The following SLC30A9 variants were observed in gnomAD, a reference collection of about 807,000 sequenced individuals.
The protein encoded by SLC30A9 is solute carrier family 30 member 9.
A neutral mutation model predicts 87.5 loss-of-function variants in SLC30A9; 58 were observed. The observed-to-expected ratio is 0.66, with a 90% CI of 0.54 to 0.82. The LOEUF is 0.82. Ranked by LOEUF, SLC30A9 falls within the 40% of genes least tolerant of loss-of-function variation. SLC30A9 has a pLI of 0.00. For missense variants in SLC30A9, 557 were observed against 679.1 expected, an observed-to-expected ratio of 0.82 and a Z score of 2.00; for synonymous variants, 234 against 233.0, an observed-to-expected ratio of 1.00 and a Z score of -0.04.
At chr4:42,029,575 A>G (rs1035646387) in intron 6 of SLC30A9, 2 of 697,572 alleles carry the variant, frequency 2.9e-6, no homozygotes, top group African/African-American at 1.8e-5. Context: ...GAAGGATGAC[A>G]TGATTTTTGA....
chr4:42,078,455 GT>G, intron 17 of SLC30A9, 130 bp downstream of exon 17: 1 of 513,704 alleles, frequency 1.9e-6, no homozygotes, highest in Non-Finnish European at 3.5e-6. Flanking sequence ...CAGTGTGTAG[GT>G]ATTTATAAGC....
intron 1 of SLC30A9, among the ~76,000 whole-genome samples, chr4:41,998,623 C>G (rs886481300): frequency 6.6e-6 from 1 of 152,088 alleles, no homozygotes; most frequent in South Asian, 2.1e-4. Context: ...ACCGCCACGT[C>G]TGGCTGATTT....
intron 1 of SLC30A9, 67 bp from the exon 2 acceptor site, chr4:42,001,549 G>T (rs1488019829): frequency 3.1e-6 from 3 of 971,804 alleles, no homozygotes; most frequent in African/African-American, 1.7e-5. Flanking sequence ...TGGAGAGGGT[G>T]GCTTGGCAAT....
intron 17 of SLC30A9, chr4:42,078,833 G>A (rs1032075872): frequency 4.6e-5 from 7 of 152,118 alleles, no homozygotes; most frequent in Admixed American, 4.6e-4. Context: ...AAATGTCTCA[G>A]TGTTCTCAAA....
At chr4:42,012,109 A>G (rs1267112487) in intron 2 of SLC30A9, among the ~76,000 whole-genome samples, 2 of 152,148 alleles carry the variant, frequency 1.3e-5, no homozygotes, top group African/African-American at 4.8e-5. Flanking sequence ...GATCAGAAAT[A>G]TGTTTTGAGT....
intron 10 of SLC30A9, among the ~76,000 whole-genome samples, chr4:42,061,993 G>A (rs1442541315): frequency 6.6e-6 from 1 of 151,836 alleles, no homozygotes; most frequent in African/African-American, 2.4e-5. Context: ...TTGAGAGTTC[G>A]AGACCAGCCT....
At chr4:42,019,477 A>G (rs992116577) in intron 3 of SLC30A9, among the ~76,000 whole-genome samples, 4 of 152,206 alleles carry the variant, frequency 2.6e-5, no homozygotes, top group African/African-American at 7.2e-5. Flanking sequence ...TTAGAAGGCA[A>G]TATTTAACCT....
At chr4:42,070,304 A>G (rs1419097973) in intron 14 of SLC30A9, 1 of 421,096 alleles carries the variant, frequency 2.4e-6, no homozygotes, top group Non-Finnish European at 4.2e-6. Context: ...TACAAGTAAG[A>G]GATCTTAATT....
chr4:42,043,807 G>C (rs912901215), intron 8 of SLC30A9, among the ~76,000 whole-genome samples: 10 of 152,262 alleles, frequency 6.6e-5, no homozygotes, highest in African/African-American at 1.7e-4. Context: ...AAATGTTAAG[G>C]GCAGCCAGAG....
intron 2 of SLC30A9, among the ~76,000 whole-genome samples, chr4:42,013,038 T>C (rs1715519726): frequency 6.6e-6 from 1 of 152,192 alleles, no homozygotes; most frequent in African/African-American, 2.4e-5. Flanking sequence ...CTGAGCACTT[T>C]GAGAAGCTGA....
At chr4:41,998,462 C>CTTTTT (rs34295020) in intron 1 of SLC30A9, among the ~76,000 whole-genome samples, 2 of 144,948 alleles carry the variant, frequency 1.4e-5, no homozygotes, top group Non-Finnish European at 3.1e-5. Flanking sequence ...TTCAGTAATT[C>CTTTTT]TTTTTTTTTG....
chr4:42,083,643 A>G (rs1161135069), intron 17 of SLC30A9, among the ~76,000 whole-genome samples: 31 of 147,152 alleles, frequency 2.1e-4, no homozygotes, highest in African/African-American at 7.0e-4. Context: ...ACATTTATTT[A>G]TATCATGCTT....
At chr4:42,041,062 T>C (rs547896341) in intron 8 of SLC30A9, among the ~76,000 whole-genome samples, 1 of 152,130 alleles carries the variant, frequency 6.6e-6, no homozygotes, top group Non-Finnish European at 1.5e-5. Context: ...AGCAGGCAAA[T>C]AGAGCTTGTG....
At chr4:42,032,345 G>C (rs1716483491) in intron 6 of SLC30A9, among the ~76,000 whole-genome samples, 1 of 152,154 alleles carries the variant, frequency 6.6e-6, no homozygotes, top group Non-Finnish European at 1.5e-5. Flanking sequence ...GTTTCGTTAG[G>C]ATTCCACCCC....
chr4:42,077,495 C>T (rs2153141195), intron 16 of SLC30A9, among the ~76,000 whole-genome samples: 1 of 152,226 alleles, frequency 6.6e-6, no homozygotes, highest in East Asian at 1.9e-4. Context: ...ACCTCCGCCC[C>T]CCAGGTTCAA....
At chr4:42,081,485 G>A (rs1718738801) in intron 17 of SLC30A9, among the ~76,000 whole-genome samples, 1 of 152,172 alleles carries the variant, frequency 6.6e-6, no homozygotes, top group Non-Finnish European at 1.5e-5. Context: ...TGTGAAAATA[G>A]TTGTGACCTT....
intron 6 of SLC30A9, chr4:42,029,159 C>CGAAGCCGCCCACCCTTCCGACTGCCG (rs1716312768): frequency 1.1e-5 from 4 of 359,004 alleles, no homozygotes; most frequent in Non-Finnish European, 2.3e-5. Context: ...AGGGCGTGCC[C>CGAAGCCGCCCACCCTTCCGACTGCCG]CGAAGCCACC....
At chr4:42,036,804 T>C (rs530130506) in intron 7 of SLC30A9, among the ~76,000 whole-genome samples, 6 of 152,344 alleles carry the variant, frequency 3.9e-5, no homozygotes, top group African/African-American at 1.4e-4. Context: ...TGGACTCTCC[T>C]CTGGTAGAGC....
intron 6 of SLC30A9, chr4:42,029,998 A>T (rs1410977473): frequency 2.0e-5 from 18 of 897,994 alleles, no homozygotes; most frequent in Non-Finnish European, 3.0e-5. Context: ...CTTGTTGTAC[A>T]GTTCACCAAC....
Sources: allele counts gnomAD v4.1 joint callset (sites outside exome capture counted in the v4.1 genomes callset), GRCh38; gene constraint gnomAD v4.1.1; transcripts MANE v1.5; gene names NCBI Gene and HGNC (gene_info 2026-07-23, HGNC 2026-07-21).